The following RAB14 variants were observed in gnomAD, a reference collection of about 807,000 sequenced individuals.
RAB14 encodes the protein ras-related protein Rab-14.
A neutral mutation model predicts 31.1 loss-of-function variants in RAB14; 3 were observed. The ratio of observed to expected loss-of-function variants is 0.10; its 90% confidence interval spans 0.04 to 0.25. RAB14 has a LOEUF of 0.25. RAB14 is among the 10% of genes least tolerant of loss of function. The pLI is 1.00. For missense variants in RAB14, 111 were observed against 260.1 expected, an observed-to-expected ratio of 0.43 and a Z score of 3.94; for synonymous variants, 85 against 84.9, an observed-to-expected ratio of 1.00 and a Z score of 0.00.
At chr9:121,194,090 T>TCACA (rs56275636) in intron 1 of RAB14, among the ~76,000 whole-genome samples, 3,111 of 141,302 alleles carry the variant, frequency 0.022, 34 homozygotes, top group Non-Finnish European at 0.027. Flanking sequence ...TTGCAGATTA[T>TCACA]CACTCACACA....
At chr9:121,186,576 G>C (rs1417940581) in intron 5 of RAB14, among the ~76,000 whole-genome samples, 2 of 152,066 alleles carry the variant, frequency 1.3e-5, no homozygotes, top group Non-Finnish European at 2.9e-5. Context: ...AGATTCACAT[G>C]CAGTTGTAAA....
intron 4 of RAB14, among the ~76,000 whole-genome samples, chr9:121,189,857 G>A (rs969710677): frequency 2.0e-5 from 3 of 152,062 alleles, no homozygotes; most frequent in Non-Finnish European, 2.9e-5. Flanking sequence ...CATGAAAGGT[G>A]ATCCAGTTCA....
Position 121,181,549 on chromosome 9 carries a change from G to A in RAB14, c.495C>T (p.Phe165=). 5.6e-6 allele frequency: 9 copies of A among 1,612,322 alleles called. No homozygotes were observed. The highest frequency in any genetic ancestry group is 7.6e-6 in the Non-Finnish European group (9 of 1,178,646). The part of the protein sequence containing the change: ...AKTGENVEDA[F]LEAAKKIYQN... ...GATAGATTTTCTTGGCAGCCTCAAG[G>A]AAGGCATCTTCTACATTCTCTCCCC... The change falls in exon 8 of 8, where the codon TTC becomes TTT. Residue 165 remains phenylalanine (F), a synonymous_variant. Transcript: ENST00000373840.
intron 2 of RAB14, 132 bp from the exon 3 acceptor site, chr9:121,192,356 T>A (rs903424326): frequency 3.8e-6 from 2 of 529,276 alleles, no homozygotes; most frequent in African/African-American, 3.9e-5. Flanking sequence ...TCCTACTTTA[T>A]AATGATTCAA....
chr9:121,182,409 C>T (rs528593124), intron 7 of RAB14, among the ~76,000 whole-genome samples: 1 of 152,338 alleles, frequency 6.6e-6, no homozygotes, highest in East Asian at 1.9e-4. Context: ...AGGTTAGCCT[C>T]TCCTCACCAC....
intron 1 of RAB14, among the ~76,000 whole-genome samples, chr9:121,197,558 A>T (rs2132029899): frequency 6.6e-6 from 1 of 152,336 alleles, no homozygotes; most frequent in South Asian, 2.1e-4. Flanking sequence ...TGACAAAAAT[A>T]GAATGCATGG....
intron 5 of RAB14, among the ~76,000 whole-genome samples, chr9:121,185,385 A>G (rs1050005980): frequency 6.6e-6 from 1 of 152,120 alleles, no homozygotes; most frequent in African/African-American, 2.4e-5. Context: ...TGCAGCCCTT[A>G]TTCAGATTTC....
chr9:121,185,641 A>T (rs1219102575), intron 5 of RAB14, among the ~76,000 whole-genome samples: 1 of 152,192 alleles, frequency 6.6e-6, no homozygotes, highest in Non-Finnish European at 1.5e-5. Flanking sequence ...AATGTTTTCT[A>T]AATGAAATCA....
rs773533460 is a variant in RAB14 at position 121,192,133 on chromosome 9, AG to A, written c.106+37del. 1.0e-4 allele frequency: 144 copies of A among 1,402,818 alleles called. 3 individuals are homozygous for A. In the South Asian group the frequency reaches 1.8e-3, roughly 17 times the overall value. The allele number at this position is 1,402,818 out of a possible 1,614,324, so 86.9% of individuals were successfully genotyped here. A position where few individuals can be genotyped will look rare whatever the true frequency, so the allele number is the denominator to read the frequency against. On this transcript the variant is annotated intron_variant, in intron 3 of 7. Coordinates refer to ENST00000373840, the MANE Select transcript of RAB14 (RefSeq NM_016322.4). ...CTAAAAAGTAGAAACATGGCGATAA[AG>A]AAAACTATTAATGTTTACCTCATGT...
rs79716879 is a variant in RAB14, at chr9:121,187,881, G to A, written c.285-862C>T. 5.9e-3 allele frequency among the ~76,000 whole-genome samples: 901 copies of A among 152,084 alleles called. 10 individuals carry two copies. Among genetic ancestry groups the A allele is most frequent in the African/African-American group, 0.02 (835 of 41,536 alleles). ...TTACTCGTTTAACATGTGAGGAAAC[G>A]GAAGCCCATAAAGACTTAACTGGTG... On this transcript the variant is annotated intron_variant, in intron 4 of 7. Coordinates refer to ENST00000373840, the MANE Select transcript of RAB14 (RefSeq NM_016322.4).
chr9:121,195,977 C>A (rs928302536), intron 1 of RAB14, among the ~76,000 whole-genome samples: 2 of 152,094 alleles, frequency 1.3e-5, no homozygotes, highest in African/African-American at 2.4e-5. Flanking sequence ...TTCTCAGTCT[C>A]ATTTCTTGAA....
intron 1 of RAB14, among the ~76,000 whole-genome samples, chr9:121,194,770 TAAC>T (rs1172925146): frequency 1.3e-5 from 2 of 152,152 alleles, no homozygotes; most frequent in East Asian, 1.9e-4. Flanking sequence ...AAGTTCTATA[TAAC>T]AACATTGAAC....
rs2053624983 is a variant in RAB14 at position 121,180,097 on chromosome 9, A to G, written c.*1299T>C. 2 of 152,674 alleles carry G rather than the reference A, an allele frequency of 1.3e-5. No homozygotes were observed. The highest frequency in any genetic ancestry group is 1.3e-4 in the Admixed American group (2 of 15,290). The allele number at this position is 152,674 out of a possible 1,614,324, so 9.5% of individuals were successfully genotyped here. A position where few individuals can be genotyped will look rare whatever the true frequency, so the allele number is the denominator to read the frequency against. On this transcript the variant is annotated 3_prime_UTR_variant, in exon 8 of 8. Coordinates refer to ENST00000373840, the MANE Select transcript of RAB14 (RefSeq NM_016322.4). Reference sequence around the variant, plus strand: ...TCAGCACAAGCGCTGAAACACCTTTAGAAACACTTTCCCTTTTACAAAACA... The same window carrying G: ...TCAGCACAAGCGCTGAAACACCTTTGGAAACACTTTCCCTTTTACAAAACA...
Position 121,182,919 on chromosome 9 carries a change from G to A in RAB14, c.470+11C>T, listed in dbSNP as rs1385358170. 6.2e-7 allele frequency: 1 copy of A among 1,602,266 alleles called. No individual in the cohort carries two copies. The highest frequency in any genetic ancestry group is 8.5e-7 in the Non-Finnish European group (1 of 1,172,186). On this transcript the variant is annotated intron_variant, in intron 7 of 7. Coordinates refer to ENST00000373840, the MANE Select transcript of RAB14 (RefSeq NM_016322.4). ...ATATAATTGAAATATCTGTATTTTG[G>A]TCACACTTACGTTTTTGCACTCGCT...
At chr9:121,193,984 T>A (rs530212415) in intron 1 of RAB14, among the ~76,000 whole-genome samples, 1 of 152,150 alleles carries the variant, frequency 6.6e-6, no homozygotes. Context: ...CAAATCAATG[T>A]TGGAACTAGA....
chr9:121,181,094 G>A lies in RAB14; in HGVS notation c.*302C>T, dbSNP rs1375092470. 1 of 227,724 alleles carries A rather than the reference G, an allele frequency of 4.4e-6. No homozygotes were observed. The highest frequency in any genetic ancestry group is 2.2e-5 in the African/African-American group (1 of 44,474). The allele number at this position is 227,724 out of a possible 1,614,324, so 14.1% of individuals were successfully genotyped here. A position where few individuals can be genotyped will look rare whatever the true frequency, so the allele number is the denominator to read the frequency against. On this transcript the variant is annotated 3_prime_UTR_variant, in exon 8 of 8. Transcript: ENST00000373840. ...CCAAAGGGAGGGTAAAAATCATGAAGTCCAGCATCAGTGCTCGGTTTAAAT... is the reference window on the plus strand; with the variant it reads ...CCAAAGGGAGGGTAAAAATCATGAAATCCAGCATCAGTGCTCGGTTTAAAT...
rs1171895194 is a variant in RAB14, at chr9:121,201,732, G to C, written c.-101C>G. On this transcript the variant is annotated 5_prime_UTR_variant, in exon 1 of 8. Transcript: ENST00000373840. Reference sequence around the variant, plus strand: ...GCGGACGCAGCGGGAGAGGGGGCGGGGGCGGTCGACCGAGGCGCCGGCAGG... The same window carrying C: ...GCGGACGCAGCGGGAGAGGGGGCGGCGGCGGTCGACCGAGGCGCCGGCAGG... 1 of 152,786 alleles carries C rather than the reference G, an allele frequency of 6.5e-6. No homozygotes were observed. The highest frequency in any genetic ancestry group is 2.4e-5 in the African/African-American group (1 of 41,452). 9.5% of individuals were successfully genotyped at this position (152,786 alleles called of 1,614,324 possible).
intron 7 of RAB14, among the ~76,000 whole-genome samples, 153 bp downstream of exon 7, chr9:121,182,777 C>T (rs780035829): frequency 6.6e-6 from 1 of 152,114 alleles, no homozygotes; most frequent in Non-Finnish European, 1.5e-5. Flanking sequence ...AAAAAGGAAG[C>T]AAAGAGATGT....
chr9:121,197,609 GAC>G (rs1397296818), intron 1 of RAB14, among the ~76,000 whole-genome samples: 2 of 152,108 alleles, frequency 1.3e-5, no homozygotes, highest in African/African-American at 4.8e-5. Flanking sequence ...AGATTACACA[GAC>G]ATATAAACGA....
Sources: gnomAD v4.1 joint callset for allele counts (sites outside exome capture counted in the v4.1 genomes callset) on GRCh38, gnomAD v4.1.1 for gene constraint, MANE v1.5 for transcripts, NCBI Gene and HGNC (gene_info 2026-07-23, HGNC 2026-07-21) for gene names.